COL25A1: variants seen among roughly 807,000 people sequenced by gnomAD.
COL25A1 encodes the protein collagen alpha-1(XXV) chain.
A neutral mutation model predicts 128.4 loss-of-function variants in COL25A1; 103 were observed. The ratio of observed to expected loss-of-function variants is 0.80; its 90% CI spans 0.68 to 0.94. COL25A1 has a LOEUF of 0.94. Among genes scored for constraint, COL25A1 ranks in the 40% least tolerant of loss-of-function variants. The pLI is 0.00. For synonymous variants in COL25A1, 279 were observed against 277.2 expected, an observed-to-expected ratio of 1.01 and a Z score of -0.06; for missense variants, 745 against 840.0, an observed-to-expected ratio of 0.89 and a Z score of 1.40.
chr4:109,018,840 G>C (rs913443512), intron 5 of COL25A1, among the ~76,000 whole-genome samples: 1 of 152,146 alleles, frequency 6.6e-6, no homozygotes, highest in African/African-American at 2.4e-5. Flanking sequence ...TCAAAATGTA[G>C]GTTCTCAATC....
chr4:109,280,487 T>C (rs1360729573), intron 3 of COL25A1, among the ~76,000 whole-genome samples: 2 of 152,184 alleles, frequency 1.3e-5, no homozygotes, highest in Non-Finnish European at 2.9e-5. Context: ...AAACTTTGAA[T>C]AGATCTTGGT....
In COL25A1 at chr4:109,291,499, A is replaced by G. The variant is rs1370521663; in HGVS notation, c.367+9084T>C. Among the ~76,000 whole-genome samples the G allele has an allele frequency of 4.6e-5, 7 of 152,250 alleles. No individual in the cohort carries two copies. The South Asian group carries it at 1.0e-3, about 23-fold the overall frequency. On this transcript the variant is annotated intron_variant, in intron 3 of 37. Transcript: ENST00000399132. The stretch of plus-strand genomic sequence containing the variant: ...CTTAGAAGTATCTTTAGAAGATCCT[A>G]GAAGTCTTATAACGTATATTTTCTA...
intron 3 of COL25A1, among the ~76,000 whole-genome samples, chr4:109,233,975 T>A (rs185676176): frequency 6.6e-6 from 1 of 152,280 alleles, no homozygotes; most frequent in East Asian, 1.9e-4. Flanking sequence ...CAGAATACTT[T>A]CAGCTTCAAA....
chr4:109,264,478 G>A (rs1025684229), intron 3 of COL25A1, among the ~76,000 whole-genome samples: 1 of 152,242 alleles, frequency 6.6e-6, no homozygotes, highest in Non-Finnish European at 1.5e-5. Context: ...AGGAGTCACA[G>A]AAGGAACAGA....
intron 3 of COL25A1, among the ~76,000 whole-genome samples, chr4:109,268,194 G>A (rs1228904641): frequency 6.6e-6 from 1 of 152,152 alleles, no homozygotes; most frequent in African/African-American, 2.4e-5. Context: ...TAATAGCATA[G>A]GCATTAAGAA....
At chr4:109,196,695 G>T (rs1337603099) in intron 3 of COL25A1, among the ~76,000 whole-genome samples, 1 of 152,142 alleles carries the variant, frequency 6.6e-6, no homozygotes, top group Non-Finnish European at 1.5e-5. Flanking sequence ...TAAGAACAGA[G>T]ACTGTACTTC....
At chr4:109,126,136 G>GT (rs893803294) in intron 3 of COL25A1, among the ~76,000 whole-genome samples, 4 of 151,798 alleles carry the variant, frequency 2.6e-5, no homozygotes, top group African/African-American at 7.3e-5. Context: ...ATGGAAAGAG[G>GT]TTTTTTTTAA....
At chr4:109,082,559 T>C (rs183583179) in intron 3 of COL25A1, among the ~76,000 whole-genome samples, 23 of 152,370 alleles carry the variant, frequency 1.5e-4, no homozygotes, top group Admixed American at 1.0e-3. Context: ...AAACTGAGCA[T>C]CTTTTTAAAT....
chr4:109,086,075 C>T (rs956342872), intron 3 of COL25A1, among the ~76,000 whole-genome samples: 5 of 152,146 alleles, frequency 3.3e-5, no homozygotes, highest in African/African-American at 1.2e-4. Flanking sequence ...AGTAAGAGGG[C>T]AAATAGCAAC....
rs1255698773 is a variant in COL25A1, at chr4:108,808,854, A to G, written c.*5073T>C. ...AAATAGTGTAAAAATAATTCTGAAGATCAACTTCTCACAAACTAGGAACCC... is the reference window on the plus strand; with the variant it reads ...AAATAGTGTAAAAATAATTCTGAAGGTCAACTTCTCACAAACTAGGAACCC... On this transcript the variant is annotated 3_prime_UTR_variant, in exon 38 of 38. Coordinates refer to ENST00000399132, the MANE Select transcript of COL25A1 (RefSeq NM_198721.4). 2.0e-5 allele frequency: 3 copies of G among 152,210 alleles called. No individual in the cohort carries two copies. The highest frequency in any genetic ancestry group is 7.2e-5 in the African/African-American group (3 of 41,462). The allele number at this position is 152,210 out of a possible 1,614,324, so 9.4% of individuals were successfully genotyped here.
At chr4:109,246,478 GGAATTCTTGT>G (rs1328266016) in intron 3 of COL25A1, among the ~76,000 whole-genome samples, 16 of 152,004 alleles carry the variant, frequency 1.1e-4, no homozygotes, top group Non-Finnish European at 5.9e-5. Flanking sequence ...CAATTCTCAA[GGAATTCTTGT>G]TTTCTCAAAA....
intron 6 of COL25A1, among the ~76,000 whole-genome samples, chr4:109,007,724 C>G (rs979198137): frequency 6.6e-6 from 1 of 152,120 alleles, no homozygotes; most frequent in East Asian, 1.9e-4. Context: ...TGCAAATTTT[C>G]AACATTTTCC....
chr4:109,007,885 G>A (rs1033731420), intron 6 of COL25A1, among the ~76,000 whole-genome samples: 1 of 152,132 alleles, frequency 6.6e-6, no homozygotes, highest in Non-Finnish European at 1.5e-5. Flanking sequence ...GGTTTCCAGT[G>A]CTGGTTTATG....
At chr4:109,111,377 T>C (rs1253727780) in intron 3 of COL25A1, among the ~76,000 whole-genome samples, 1 of 152,220 alleles carries the variant, frequency 6.6e-6, no homozygotes, top group Non-Finnish European at 1.5e-5. Flanking sequence ...CTTCCCATTA[T>C]ATGTAGACCT....
At chr4:108,924,334 A>G (rs1302380586) in intron 11 of COL25A1, among the ~76,000 whole-genome samples, 1 of 152,236 alleles carries the variant, frequency 6.6e-6, no homozygotes, top group Non-Finnish European at 1.5e-5. Flanking sequence ...GAACACAGTA[A>G]GAAATTATAT....
intron 6 of COL25A1, 150 bp downstream of exon 6, chr4:109,010,208 G>A (rs974346365): frequency 4.6e-6 from 3 of 658,620 alleles, no homozygotes; most frequent in Middle Eastern, 3.1e-4. Context: ...AGGCCCCAAG[G>A]GTTTACTCCT....
At chr4:109,155,589 T>G (rs139630836) in intron 3 of COL25A1, among the ~76,000 whole-genome samples, 2 of 152,318 alleles carry the variant, frequency 1.3e-5, no homozygotes, top group East Asian at 3.9e-4. Flanking sequence ...TCTTGCTACA[T>G]AGAAAGTAAT....
At chr4:109,051,709 C>T (rs1343407130) in intron 3 of COL25A1, among the ~76,000 whole-genome samples, 7 of 151,512 alleles carry the variant, frequency 4.6e-5, no homozygotes. Context: ...TCTAGTATAA[C>T]ATCACTTAAA....
In COL25A1 at chr4:108,912,452, CATCA is replaced by C. The variant is rs1744344029; in HGVS notation, c.780+5716_780+5719del. On this transcript the variant is annotated intron_variant, in intron 13 of 37. Transcript: ENST00000399132. ...CTTGAACTACTAACTAATCTGGAATCATCAATCAATCACTTAATTTAGTCTCAAT... is the reference window on the plus strand; with the variant it reads ...CTTGAACTACTAACTAATCTGGAATCATCAATCACTTAATTTAGTCTCAAT... Among the ~76,000 whole-genome samples the C allele has an allele frequency of 3.3e-5, 5 of 152,242 alleles. No homozygotes were observed. The South Asian group carries it at 1.0e-3, about 32-fold the overall frequency.
Sources: gnomAD v4.1 joint callset for allele counts (sites outside exome capture counted in the v4.1 genomes callset) on GRCh38, gnomAD v4.1.1 for gene constraint, MANE v1.5 for transcripts, NCBI Gene and HGNC (gene_info 2026-07-23, HGNC 2026-07-21) for gene names.